OXCT1: variants seen among roughly 807,000 people sequenced by gnomAD.
OXCT1 encodes 3-oxoacid CoA-transferase 1.
Under a neutral mutation model 69.6 loss-of-function variants are expected in OXCT1, and 27 were observed. The observed-to-expected ratio is 0.39, with a 90% CI of 0.29 to 0.54. OXCT1 has a LOEUF of 0.54. Ranked by LOEUF, OXCT1 falls within the 20% of genes least tolerant of loss-of-function variation. The pLI is 0.72. For synonymous variants in OXCT1, 202 were observed against 217.8 expected (o/e 0.93, Z 0.64); for missense variants, 437 against 650.2 (o/e 0.67, Z 3.57).
intron 14 of OXCT1, among the ~76,000 whole-genome samples, chr5:41,756,722 C>T (rs774931399): frequency 7.2e-5 from 11 of 152,026 alleles, no homozygotes; most frequent in Admixed American, 1.3e-4. Context: ...GAGAAAGGAT[C>T]GTCTGAAGAC....
chr5:41,776,190 G>A (rs1467371278), intron 13 of OXCT1, among the ~76,000 whole-genome samples: 1 of 152,076 alleles, frequency 6.6e-6, no homozygotes, highest in African/African-American at 2.4e-5. Context: ...CCAGATTGGG[G>A]GACATTCTAT....
At chr5:41,865,744 A>C (rs1749933595) in intron 1 of OXCT1, among the ~76,000 whole-genome samples, 1 of 152,190 alleles carries the variant, frequency 6.6e-6, no homozygotes, top group South Asian at 2.1e-4. Flanking sequence ...AAGGTATTTT[A>C]AGTTTACAAA....
intron 15 of OXCT1, among the ~76,000 whole-genome samples, chr5:41,740,627 A>AAT (rs1743114824): frequency 6.6e-6 from 1 of 152,212 alleles, no homozygotes; most frequent in Non-Finnish European, 1.5e-5. Flanking sequence ...GAGGTCACTT[A>AAT]ATATAACCTT....
In OXCT1 at chr5:41,805,553, A is replaced by G. The variant is rs1190154712; in HGVS notation, c.955+14T>C. On this transcript the variant is annotated intron_variant, in intron 9 of 16. Coordinates refer to ENST00000196371, the MANE Select transcript of OXCT1 (RefSeq NM_000436.4). ...GGCTATGTCTTTGCCCGGGCTCAGA[A>G]GGATAAAGGATACCATACATGCCAT... The G allele has an allele frequency of 1.9e-6, 3 of 1,566,214 alleles. No individual in the cohort carries two copies. Among genetic ancestry groups the G allele is most frequent in the South Asian group, 1.1e-5 (1 of 90,146 alleles).
At chr5:41,868,360 T>C (rs936325861) in intron 1 of OXCT1, among the ~76,000 whole-genome samples, 1 of 152,206 alleles carries the variant, frequency 6.6e-6, no homozygotes, top group African/African-American at 2.4e-5. Flanking sequence ...AACTGTCATC[T>C]GGTTGAGGAG....
At chr5:41,805,778 C>T in intron 8 of OXCT1, 97 bp from the exon 9 acceptor site, 1 of 803,304 alleles carries the variant, frequency 1.2e-6, no homozygotes, top group Non-Finnish European at 2.2e-6. Context: ...GATGAGCTCT[C>T]TCCCATTGTT....
chr5:41,786,289 C>A (rs1561075127), intron 13 of OXCT1, among the ~76,000 whole-genome samples: 1 of 152,108 alleles, frequency 6.6e-6, no homozygotes, highest in Admixed American at 6.5e-5. Context: ...TTTTTATGGA[C>A]CAGAGATCAT....
At chr5:41,816,637 G>T (rs1214718211) in intron 7 of OXCT1, among the ~76,000 whole-genome samples, 2 of 152,118 alleles carry the variant, frequency 1.3e-5, no homozygotes, top group Non-Finnish European at 2.9e-5. Flanking sequence ...TGCAGCCGGG[G>T]TCACTTGGCA....
intron 13 of OXCT1, among the ~76,000 whole-genome samples, chr5:41,785,320 G>GCC (rs1262334681): frequency 6.6e-6 from 1 of 152,194 alleles, no homozygotes; most frequent in Non-Finnish European, 1.5e-5. Context: ...GTGGAAAACA[G>GCC]AACAGGCTAG....
At chr5:41,817,842 A>C (rs1561101199) in intron 7 of OXCT1, among the ~76,000 whole-genome samples, 2 of 152,342 alleles carry the variant, frequency 1.3e-5, no homozygotes, top group East Asian at 3.9e-4. Flanking sequence ...AGTCAGAGGA[A>C]ACTAGGCACA....
intron 13 of OXCT1, among the ~76,000 whole-genome samples, chr5:41,790,121 C>T (rs1745845212): frequency 6.6e-6 from 1 of 152,230 alleles, no homozygotes; most frequent in Admixed American, 6.5e-5. Flanking sequence ...ATTCAATCCT[C>T]TCCACATAGA....
intron 13 of OXCT1, among the ~76,000 whole-genome samples, chr5:41,783,566 A>C (rs1412792308): frequency 6.6e-6 from 1 of 152,228 alleles, no homozygotes. Flanking sequence ...CATTAGCCAA[A>C]AGGATATTTA....
chr5:41,824,587 T>C (rs900289269), intron 7 of OXCT1, among the ~76,000 whole-genome samples: 1 of 152,186 alleles, frequency 6.6e-6, no homozygotes, highest in African/African-American at 2.4e-5. Flanking sequence ...AGTGAAAACA[T>C]TTTGAGTGCA....
chr5:41,867,245 G>T (rs1427523132), intron 1 of OXCT1, among the ~76,000 whole-genome samples: 2 of 152,104 alleles, frequency 1.3e-5, no homozygotes, highest in East Asian at 3.9e-4. Context: ...TAAGAAAGTG[G>T]TATGGAAACT....
At chr5:41,758,583 A>G (rs1744197343) in intron 14 of OXCT1, among the ~76,000 whole-genome samples, 1 of 151,516 alleles carries the variant, frequency 6.6e-6, no homozygotes, top group South Asian at 2.1e-4. Flanking sequence ...TTGGTACCAA[A>G]GATTCAGATG....
chr5:41,836,970 ACATACT>A (rs1248672965), intron 7 of OXCT1, among the ~76,000 whole-genome samples: 1 of 152,200 alleles, frequency 6.6e-6, no homozygotes, highest in Non-Finnish European at 1.5e-5. Context: ...TTCACAATAA[ACATACT>A]CATTTACTTC....
chr5:41,805,836 G>C (rs1427894835), intron 8 of OXCT1, among the ~76,000 whole-genome samples, 155 bp from the exon 9 acceptor site: 1 of 152,092 alleles, frequency 6.6e-6, no homozygotes, highest in Non-Finnish European at 1.5e-5. Context: ...TACTATGGGT[G>C]ATATTTGATG....
At chr5:41,862,846 T>G in intron 1 of OXCT1, 96 bp from the exon 2 acceptor site, 2 of 740,412 alleles carry the variant, frequency 2.7e-6, no homozygotes, top group Non-Finnish European at 4.9e-6. Context: ...AAATGATAAT[T>G]TCATTATCTC....
chr5:41,749,194 G>A (rs1743646821), intron 15 of OXCT1, among the ~76,000 whole-genome samples: 1 of 152,044 alleles, frequency 6.6e-6, no homozygotes, highest in Non-Finnish European at 1.5e-5. Flanking sequence ...ATTTAGAAAA[G>A]GTAGAAATAA....
Sources: allele counts gnomAD v4.1 joint callset (sites outside exome capture counted in the v4.1 genomes callset), GRCh38; gene constraint gnomAD v4.1.1; transcripts MANE v1.5; gene names NCBI Gene and HGNC (gene_info 2026-07-23, HGNC 2026-07-21).